The following WDR64 variants were observed in gnomAD, a reference collection of about 807,000 sequenced individuals.
WDR64 encodes the protein WD repeat-containing protein 64.
In WDR64, 112 loss-of-function variants were observed where a neutral mutation model predicts 139.3. That is an observed-to-expected ratio of 0.80 (90% CI 0.69 to 0.94). The LOEUF is 0.94. Among genes scored for constraint, WDR64 ranks in the 40% least tolerant of loss-of-function variants. The pLI, the probability that WDR64 is intolerant of heterozygous loss-of-function variation, is 0.00. For synonymous variants in WDR64, 444 were observed against 437.7 expected (o/e 1.01, Z -0.18); for missense variants, 1,206 against 1,293.1 (o/e 0.93, Z 1.03).
intron 10 of WDR64, among the ~76,000 whole-genome samples, chr1:241,733,945 A>T (rs1196629873): frequency 6.6e-6 from 1 of 152,158 alleles, no homozygotes; most frequent in African/African-American, 2.4e-5. Flanking sequence ...TAGGGGAATA[A>T]GTGAAAGAAG....
rs973343054 is a variant in WDR64, at chr1:241,656,798, A to G, written c.146-3732A>G. Among the ~76,000 whole-genome samples, 11 of 151,638 alleles carry G rather than the reference A, an allele frequency of 7.3e-5. No individual in the cohort carries two copies. The highest frequency in any genetic ancestry group is 1.6e-4 in the Non-Finnish European group (11 of 67,982). Reference sequence around the variant, plus strand: ...ATGTTAAGCAGCGTCCTTGGCCTCTACTCACTAGATGCCAGTAGCACACCT... The same window carrying G: ...ATGTTAAGCAGCGTCCTTGGCCTCTGCTCACTAGATGCCAGTAGCACACCT... On this transcript the variant is annotated intron_variant, in intron 1 of 27. Coordinates refer to ENST00000437684, the MANE Select transcript of WDR64 (RefSeq NM_001367482.1). This position sits in a 1 kb window ranked among gnomAD's most constrained non-coding sequence, Gnocchi z 4.3.
chr1:241,719,328 A>G (rs1187130554), intron 9 of WDR64, among the ~76,000 whole-genome samples: 3 of 152,308 alleles, frequency 2.0e-5, no homozygotes, highest in Admixed American at 6.5e-5. Flanking sequence ...GTAAACAACA[A>G]CAAGTCCTGT....
At position 241,711,885 on chromosome 1, in the gene WDR64, A is replaced by G. The variant is rs1373797382; in HGVS notation, c.1054+4A>G. 37 of 1,613,986 alleles carry G rather than the reference A, an allele frequency of 2.3e-5. No individual in the cohort carries two copies. The highest frequency in any genetic ancestry group is 3.1e-5 in the Non-Finnish European group (36 of 1,179,998). On this transcript the variant is annotated splice_donor_region_variant and intron_variant, in intron 9 of 27. Coordinates refer to ENST00000437684, the MANE Select transcript of WDR64 (RefSeq NM_001367482.1). The stretch of plus-strand genomic sequence containing the variant: ...GCAAATGTGATTGTCACTGGAGGTG[A>G]GAGGGCGGTTCACATTACATAGGGG...
intron 1 of WDR64, among the ~76,000 whole-genome samples, chr1:241,653,954 A>AT (rs931181870): frequency 3.9e-5 from 6 of 152,008 alleles, no homozygotes; most frequent in African/African-American, 1.2e-4. Flanking sequence ...CAAAACTTGC[A>AT]TTTTTTCCTA....
At chr1:241,740,841 C>A (rs1669511440) in intron 11 of WDR64, among the ~76,000 whole-genome samples, 1 of 151,856 alleles carries the variant, frequency 6.6e-6, no homozygotes, top group Non-Finnish European at 1.5e-5. Context: ...AATTGAGATT[C>A]TTATTAATAT....
chr1:241,757,177 C>G, intron 14 of WDR64, 106 bp from the exon 15 acceptor site: 1 of 1,020,308 alleles, frequency 9.8e-7, no homozygotes. Flanking sequence ...TTTGGTAAAG[C>G]TAGATGGTAG....
intron 14 of WDR64, among the ~76,000 whole-genome samples, chr1:241,755,286 T>G (rs7526583): frequency 6.6e-6 from 1 of 151,470 alleles, no homozygotes; most frequent in Non-Finnish European, 1.5e-5. Flanking sequence ...ATGGTGTCTC[T>G]TTTTGGTTTT....
intron 13 of WDR64, among the ~76,000 whole-genome samples, chr1:241,747,798 A>T (rs1669819987): frequency 6.6e-6 from 1 of 152,226 alleles, no homozygotes; most frequent in East Asian, 1.9e-4. Flanking sequence ...TTCCTGGGAA[A>T]GACAGGCACT....
chr1:241,766,569 C>A (rs1254398782), intron 16 of WDR64, among the ~76,000 whole-genome samples: 1 of 152,110 alleles, frequency 6.6e-6, no homozygotes, highest in Non-Finnish European at 1.5e-5. Flanking sequence ...GGCGCAGTGG[C>A]GCCTGCCTGT....
intron 13 of WDR64, among the ~76,000 whole-genome samples, chr1:241,748,703 G>T (rs926157579): frequency 4.6e-5 from 7 of 152,100 alleles, no homozygotes; most frequent in Non-Finnish European, 8.8e-5. Flanking sequence ...ACTTTGGGAG[G>T]CCGAGGAGGG....
At position 241,738,491 on chromosome 1, in the gene WDR64, T is replaced by C. The variant is rs749509520; in HGVS notation, c.1321+2T>C. ...CCAATCATGGCATGCTTATTACGGG[T>C]AAGTGTACCCAATTAATGTCAAACG... On this transcript the variant is annotated splice_donor_variant, in intron 11 of 27. Transcript: ENST00000437684. LOFTEE classifies it high-confidence loss of function. 91 of 1,606,708 alleles carry C rather than the reference T, an allele frequency of 5.7e-5. 1 individual carries two copies. In the South Asian group the frequency reaches 9.9e-4, roughly 17 times the overall value.
At chr1:241,762,945 T>C (rs978016721) in intron 15 of WDR64, among the ~76,000 whole-genome samples, 1 of 152,192 alleles carries the variant, frequency 6.6e-6, no homozygotes, top group Non-Finnish European at 1.5e-5. Context: ...AAGTAGGTTT[T>C]ATTCTTAGCT....
chr1:241,754,765 C>A (rs1297244828), intron 14 of WDR64, among the ~76,000 whole-genome samples: 1 of 152,052 alleles, frequency 6.6e-6, no homozygotes, highest in Non-Finnish European at 1.5e-5. Context: ...GTTCCCCTCC[C>A]TGTGTCTGTG....
At chr1:241,780,393 A>T (rs1232882161) in intron 22 of WDR64, among the ~76,000 whole-genome samples, 4 of 152,242 alleles carry the variant, frequency 2.6e-5, no homozygotes, top group Non-Finnish European at 4.4e-5. Flanking sequence ...TCTATATCTT[A>T]TCCTTTATAA....
intron 21 of WDR64, among the ~76,000 whole-genome samples, chr1:241,778,495 A>G (rs1658742397): frequency 6.6e-6 from 1 of 152,212 alleles, no homozygotes; most frequent in Non-Finnish European, 1.5e-5. Context: ...GTTGGCATCT[A>G]AAGTAATTGA....
At chr1:241,683,344 GGT>G (rs1491354795) in intron 6 of WDR64, 141 bp from the exon 7 acceptor site, 4 of 746,372 alleles carry the variant, frequency 5.4e-6, no homozygotes. Flanking sequence ...TTGGTTAACT[GGT>G]TTTTTTCTCA....
chr1:241,741,362 G>A (rs1669531594), intron 11 of WDR64, among the ~76,000 whole-genome samples, 154 bp from the exon 12 acceptor site: 1 of 152,180 alleles, frequency 6.6e-6, no homozygotes, highest in Admixed American at 6.5e-5. Flanking sequence ...TAGAATAAAT[G>A]AAAATATTCT....
At position 241,744,407 on chromosome 1, in the gene WDR64, G is replaced by A. The variant is rs779766166; in HGVS notation, c.1485G>A (p.Glu495=). The A allele has an allele frequency of 1.2e-6, 2 of 1,613,984 alleles. No homozygotes were observed. The highest frequency in any genetic ancestry group is 1.3e-5 in the African/African-American group (1 of 74,914). The change falls in exon 13 of 28, where the codon GAG becomes GAA. Residue 495 remains glutamate (E), a synonymous_variant. Transcript: ENST00000437684. ...CTTTCCCATAGGTATGGGAACTCGA[G>A]ACTGGGCTCCAAGTATACCAGATTT... ...SESIIRVWEL[E]TGLQVYQILE...
intron 3 of WDR64, among the ~76,000 whole-genome samples, chr1:241,673,097 A>G (rs944882375): frequency 6.6e-6 from 1 of 151,700 alleles, no homozygotes; most frequent in Non-Finnish European, 1.5e-5. Flanking sequence ...ACAAAAAACC[A>G]AACACCGCAT....
Sources: gnomAD v4.1 joint callset for allele counts (sites outside exome capture counted in the v4.1 genomes callset) on GRCh38, gnomAD v4.1.1 for gene constraint, Gnocchi (gnomAD v3.1) non-coding constraint, MANE v1.5 for transcripts, NCBI Gene and HGNC (gene_info 2026-07-23, HGNC 2026-07-21) for gene names.